Variants in PCSK5 observed in about 807,000 individuals in gnomAD.
PCSK5 encodes proprotein convertase subtilisin/kexin type 5, also known as prohormone convertase 5.
A neutral mutation model predicts 233.2 loss-of-function variants in PCSK5; 129 were observed. The observed-to-expected ratio is 0.55, with a 90% confidence interval of 0.48 to 0.64. The LOEUF (loss-of-function observed/expected upper bound fraction) is 0.64. Among genes scored for constraint, PCSK5 ranks in the 30% least tolerant of loss-of-function variants. The pLI is 0.00. For missense variants in PCSK5, 2,076 were observed against 2,430.1 expected (o/e 0.85, Z 3.06); for synonymous variants, 825 against 879.2 (o/e 0.94, Z 1.09).
chr9:76,292,456 G>A (rs1002789347), intron 25 of PCSK5, among the ~76,000 whole-genome samples, 181 bp downstream of exon 25: 4 of 152,232 alleles, frequency 2.6e-5, no homozygotes, highest in East Asian at 1.9e-4. Flanking sequence ...TCCTTGCCTC[G>A]AAAGGAGGCC....
At chr9:76,076,660 G>A (rs768297417) in intron 7 of PCSK5, among the ~76,000 whole-genome samples, 7 of 152,286 alleles carry the variant, frequency 4.6e-5, no homozygotes, top group Non-Finnish European at 8.8e-5. Context: ...ATTTCAAAAT[G>A]CTCCCTACTT....
intron 2 of PCSK5, among the ~76,000 whole-genome samples, chr9:75,945,339 C>A (rs114466823): frequency 0.033 from 5,082 of 152,026 alleles, 106 homozygotes; most frequent in Middle Eastern, 0.048. Context: ...CAGAATCATT[C>A]TTGATTCTCT....
At chr9:76,238,437 A>G (rs577011812) in intron 22 of PCSK5, among the ~76,000 whole-genome samples, 147 of 152,366 alleles carry the variant, frequency 9.6e-4, no homozygotes, top group African/African-American at 3.3e-3. Context: ...GCTTGTCATT[A>G]TCGGCATTGG....
At chr9:76,291,881 T>C (rs1251590007) in intron 24 of PCSK5, among the ~76,000 whole-genome samples, 1 of 152,116 alleles carries the variant, frequency 6.6e-6, no homozygotes, top group Non-Finnish European at 1.5e-5. Flanking sequence ...CCCTTCCAAA[T>C]ATTTGTGTGT....
At chr9:76,266,971 C>T (rs934866759) in intron 24 of PCSK5, among the ~76,000 whole-genome samples, 3 of 152,166 alleles carry the variant, frequency 2.0e-5, no homozygotes, top group African/African-American at 4.8e-5. Context: ...GTGCACCTTC[C>T]CCATTCAGAG....
At chr9:76,130,093 A>G (rs4745505) in intron 9 of PCSK5, among the ~76,000 whole-genome samples, 73,726 of 151,372 alleles carry the variant, frequency 0.49, 18,152 homozygotes, top group Admixed American at 0.53. Context: ...TACGGTATAC[A>G]TGTAAACTAT....
At position 76,258,604 on chromosome 9, in the gene PCSK5, G is replaced by A. The variant is rs184736110; in HGVS notation, c.3142+17920G>A. Among the ~76,000 whole-genome samples, 392 of 152,304 alleles carry A rather than the reference G, an allele frequency of 2.6e-3. 1 individual carries two copies. Among genetic ancestry groups the A allele is most frequent in the Non-Finnish European group, 2.6e-3 (174 of 68,024 alleles). ...GAATTAGGGAGACCTCTTGCCTTCA[G>A]CCCTAAAGGGTCTGTGGGAGGTAAG... is the stretch of plus-strand genomic sequence containing the variant. On this transcript the variant is annotated intron_variant, in intron 24 of 37. Transcript: ENST00000674117.
At chr9:75,983,469 T>G in intron 2 of PCSK5, among the ~76,000 whole-genome samples, 1 of 152,162 alleles carries the variant, frequency 6.6e-6, no homozygotes, top group Non-Finnish European at 1.5e-5. Context: ...AAGCAGCAAA[T>G]GCACAATGTT....
chr9:76,331,893 A>T (rs556550428), intron 33 of PCSK5, among the ~76,000 whole-genome samples: 1 of 152,148 alleles, frequency 6.6e-6, no homozygotes, highest in Non-Finnish European at 1.5e-5. Flanking sequence ...TCTATTTTGG[A>T]CTTCTGACCT....
intron 8 of PCSK5, among the ~76,000 whole-genome samples, chr9:76,103,146 AC>A (rs1038591139): frequency 1.2e-4 from 18 of 152,096 alleles, no homozygotes; most frequent in African/African-American, 4.1e-4. Flanking sequence ...TTTTTATTTT[AC>A]TGTGCTTAAT....
At chr9:76,071,929 G>C in intron 7 of PCSK5, 31 bp downstream of exon 7, 1 of 1,568,574 alleles carries the variant, frequency 6.4e-7, no homozygotes, top group Non-Finnish European at 8.7e-7. Flanking sequence ...GGCTTATACT[G>C]TGTGGATGGG....
At chr9:76,323,440 G>A (rs940001712) in intron 32 of PCSK5, among the ~76,000 whole-genome samples, 152 bp downstream of exon 32, 2 of 152,138 alleles carry the variant, frequency 1.3e-5, no homozygotes, top group African/African-American at 2.4e-5. Flanking sequence ...CTCAAGTTCA[G>A]TAGCACGAAC....
At chr9:76,091,613 C>T (rs564883384) in intron 7 of PCSK5, among the ~76,000 whole-genome samples, 2 of 152,232 alleles carry the variant, frequency 1.3e-5, no homozygotes, top group South Asian at 2.1e-4. Context: ...ACACTGATCT[C>T]TCTGGGTTTT....
intron 1 of PCSK5, among the ~76,000 whole-genome samples, chr9:75,920,657 T>C (rs1221933319): frequency 6.6e-6 from 1 of 151,858 alleles, no homozygotes; most frequent in East Asian, 1.9e-4. Context: ...ATACAAAAAC[T>C]AGTTGTGGCA....
chr9:76,189,633 G>A lies in PCSK5; in HGVS notation c.2513G>A (p.Cys838Tyr). The change falls in exon 20 of 38, where the codon TGT becomes TAT. Residue 838 changes from cysteine (C) to tyrosine (Y), a missense_variant and splice_region_variant. Physicochemically the swap from Cys to Tyr is radical, Grantham distance 194. Transcript: ENST00000674117. ...AAAATTGTACATTTTTCTCATAGAT[G>A]TGATATCAGTTGTTTGACGTGCAAT... ...SENGYKSCKK[C>Y]DISCLTCNGP... The A allele has an allele frequency of 6.3e-7, 1 of 1,598,516 alleles. No individual in the cohort carries two copies. Among genetic ancestry groups the A allele is most frequent in the Non-Finnish European group, 8.6e-7 (1 of 1,166,098 alleles).
intron 2 of PCSK5, among the ~76,000 whole-genome samples, chr9:75,981,154 T>G (rs1342249039): frequency 1.3e-5 from 2 of 152,242 alleles, no homozygotes; most frequent in African/African-American, 4.8e-5. Context: ...ATCTCGTATC[T>G]TCACAGAATG....
chr9:76,100,481 G>C (rs565271670), intron 8 of PCSK5, among the ~76,000 whole-genome samples: 3 of 152,324 alleles, frequency 2.0e-5, no homozygotes, highest in African/African-American at 7.2e-5. Context: ...ACTTTTTACA[G>C]ATGAGAAAAC....
intron 9 of PCSK5, among the ~76,000 whole-genome samples, chr9:76,122,827 C>CTTTTTTTTTTTTTTTTTTTTT (rs71372050): frequency 2.4e-5 from 3 of 127,072 alleles, no homozygotes; most frequent in Non-Finnish European, 4.8e-5. Context: ...TTTTTTTTTT[C>CTTTTTTTTTTTTTTTTTTTTT]TTTTTTTTTT....
chr9:76,279,404 T>A (rs888064997), intron 24 of PCSK5, among the ~76,000 whole-genome samples: 4 of 150,764 alleles, frequency 2.7e-5, no homozygotes, highest in African/African-American at 9.9e-5. Context: ...GCAGCATGAT[T>A]TATAGTCCTT....
Sources: gnomAD v4.1 joint callset for allele counts (sites outside exome capture counted in the v4.1 genomes callset) on GRCh38, gnomAD v4.1.1 for gene constraint, MANE v1.5 for transcripts, NCBI Gene and HGNC (gene_info 2026-07-23, HGNC 2026-07-21) for gene names.